ANO2: variants seen among roughly 807,000 people sequenced by gnomAD.
ANO2 encodes the protein anoctamin 2.
In ANO2, 101 loss-of-function variants were observed where a neutral mutation model predicts 124.2. The observed-to-expected ratio is 0.81, with a 90% CI of 0.69 to 0.96. The LOEUF is 0.96. ANO2 is among the 40% of genes least tolerant of loss of function. The pLI, the probability that ANO2 is intolerant of heterozygous loss-of-function variation, is 0.00. For synonymous variants in ANO2, 486 were observed against 482.5 expected (o/e 1.01, Z -0.09); for missense variants, 1,293 against 1,274.5 (o/e 1.01, Z -0.22).
At position 5,790,922 on chromosome 12, in the gene ANO2, C is replaced by T. The variant is rs74754669; in HGVS notation, c.1055+8585G>A. 1.3e-3 allele frequency among the ~76,000 whole-genome samples: 201 copies of T among 152,208 alleles called. No individual in the cohort carries two copies. The East Asian group carries it at 0.025, about 19-fold the overall frequency. The stretch of plus-strand genomic sequence containing the variant: ...ATCTGATAGGGTGGATTTTTCATGA[C>T]GTCCCCAAACAAGCAAGGAGGGCCA... On this transcript the variant is annotated intron_variant, in intron 10 of 24. Transcript: ENST00000682330.
intron 14 of ANO2, among the ~76,000 whole-genome samples, chr12:5,694,971 G>A (rs1215908373): frequency 6.6e-6 from 1 of 152,096 alleles, no homozygotes; most frequent in Non-Finnish European, 1.5e-5. Context: ...AAGATGAAGT[G>A]AGTTGGCACT....
At chr12:5,731,065 C>T (rs1051279400) in intron 14 of ANO2, among the ~76,000 whole-genome samples, 3 of 152,166 alleles carry the variant, frequency 2.0e-5, no homozygotes, top group African/African-American at 4.8e-5. Context: ...CCTTGGCATT[C>T]CCGTCTATGG....
At chr12:5,568,453 C>G (rs539948642) in intron 23 of ANO2, among the ~76,000 whole-genome samples, 2 of 152,282 alleles carry the variant, frequency 1.3e-5, no homozygotes, top group Admixed American at 1.3e-4. Context: ...TTTCATAATT[C>G]ACTAATGAAC....
intron 24 of ANO2, among the ~76,000 whole-genome samples, chr12:5,564,148 G>A (rs555977974): frequency 2.0e-5 from 3 of 152,230 alleles, no homozygotes; most frequent in East Asian, 3.9e-4. Context: ...ACCTTATACC[G>A]GTCTCAGTCA....
At chr12:5,933,614 C>A (rs984070407) in intron 1 of ANO2, among the ~76,000 whole-genome samples, 1 of 152,182 alleles carries the variant, frequency 6.6e-6, no homozygotes, top group Non-Finnish European at 1.5e-5. Context: ...TTTCACTGGT[C>A]ACACTGCTAC....
intron 13 of ANO2, among the ~76,000 whole-genome samples, chr12:5,733,364 C>T (rs1489652572): frequency 6.6e-6 from 1 of 152,220 alleles, no homozygotes; most frequent in Middle Eastern, 3.4e-3. Flanking sequence ...GTGCAGATGC[C>T]GGGGTAGGAA....
intron 19 of ANO2, among the ~76,000 whole-genome samples, chr12:5,609,563 A>T (rs1944382593): frequency 6.6e-6 from 1 of 152,132 alleles, no homozygotes; most frequent in Non-Finnish European, 1.5e-5. Context: ...TTTGAGGAAG[A>T]CCAAAAGGGA....
At chr12:5,734,725 G>A (rs1032470595) in intron 13 of ANO2, among the ~76,000 whole-genome samples, 1 of 150,994 alleles carries the variant, frequency 6.6e-6, no homozygotes, top group Admixed American at 6.6e-5. Flanking sequence ...TCGGCTCACC[G>A]AAACCTCTGC....
chr12:5,885,213 C>T (rs916642071), intron 3 of ANO2, among the ~76,000 whole-genome samples: 9 of 152,182 alleles, frequency 5.9e-5, no homozygotes, highest in African/African-American at 1.9e-4. Context: ...TGGCCCCTGA[C>T]TCATATAGAA....
Position 5,787,585 on chromosome 12 carries a change from G to C in ANO2, c.1055+11922C>G, listed in dbSNP as rs994252840. Among the ~76,000 whole-genome samples the C allele has an allele frequency of 2.6e-5, 4 of 152,264 alleles. No individual in the cohort carries two copies. In the East Asian group the frequency reaches 7.7e-4, roughly 29 times the overall value. On this transcript the variant is annotated intron_variant, in intron 10 of 24. Transcript: ENST00000682330. This position sits in a 1 kb window ranked among gnomAD's most constrained non-coding sequence, Gnocchi z 4.2. Reference sequence around the variant, plus strand: ...AGGATGATAGTATCGATCTCGACGGGGTGTTGTGAGTTAGCAAATGCCAAG... The same window carrying C: ...AGGATGATAGTATCGATCTCGACGGCGTGTTGTGAGTTAGCAAATGCCAAG...
At chr12:5,800,004 A>G (rs1952991395) in intron 9 of ANO2, among the ~76,000 whole-genome samples, 1 of 152,246 alleles carries the variant, frequency 6.6e-6, no homozygotes, top group Non-Finnish European at 1.5e-5. Flanking sequence ...AACAGATAAG[A>G]TTTTGAAATC....
In ANO2 at chr12:5,937,073, A is replaced by G. The variant is rs115963796; in HGVS notation, c.22+8123T>C. Among the ~76,000 whole-genome samples the G allele has an allele frequency of 2.6e-3, 399 of 152,174 alleles. 2 individuals are homozygous for G. The highest frequency in any genetic ancestry group is 8.5e-3 in the African/African-American group (351 of 41,482). ...AGTGATTTTACTTCTTTCAGTATAT[A>G]CCCAGAATAGGAATTTCTGGGTCAT... On this transcript the variant is annotated intron_variant, in intron 1 of 24. Transcript: ENST00000682330.
intron 4 of ANO2, among the ~76,000 whole-genome samples, chr12:5,841,722 C>T (rs1299339474): frequency 3.3e-5 from 5 of 152,184 alleles, no homozygotes; most frequent in Non-Finnish European, 5.9e-5. Flanking sequence ...TTCCCACCCA[C>T]AGACTCCTAC....
In ANO2 at chr12:5,737,193, G is replaced by A. The variant is rs569301387; in HGVS notation, c.1434+2124C>T. Among the ~76,000 whole-genome samples, 16 of 152,316 alleles carry A rather than the reference G, an allele frequency of 1.1e-4. No homozygotes were observed. The South Asian group carries it at 3.3e-3, about 32-fold the overall frequency. ...GCTGGCCTGTGCACATGTGGGGCAC[G>A]CCAGTCACGTTACAGAACCAACCAG... On this transcript the variant is annotated intron_variant, in intron 13 of 24. Transcript: ENST00000682330.
rs1046979118 is a variant in ANO2, at chr12:5,635,946, A to G, written c.1621-599T>C. Among the ~76,000 whole-genome samples the G allele has an allele frequency of 6.6e-6, 1 of 152,202 alleles. No individual in the cohort carries two copies. Among genetic ancestry groups the G allele is most frequent in the Non-Finnish European group, 1.5e-5 (1 of 68,034 alleles). On this transcript the variant is annotated intron_variant, in intron 15 of 24. Coordinates refer to ENST00000682330, the MANE Select transcript of ANO2 (RefSeq NM_001364791.2). The surrounding 1 kb of genome is among the most constrained non-coding windows in gnomAD (Gnocchi z 5.2). ...CTGAGAAGGGATGAGTTACAGCTTG[A>G]TAAGTAGAGGCAAGAAGGTTGCTCA...
At chr12:5,582,093 C>G (rs1942787343) in intron 20 of ANO2, among the ~76,000 whole-genome samples, 1 of 152,186 alleles carries the variant, frequency 6.6e-6, no homozygotes, top group African/African-American at 2.4e-5. Flanking sequence ...TTGCCAACAC[C>G]AAGATTTGTT....
chr12:5,799,850 A>G (rs1952987604), intron 9 of ANO2, among the ~76,000 whole-genome samples: 1 of 152,200 alleles, frequency 6.6e-6, no homozygotes, highest in African/African-American at 2.4e-5. Context: ...GTCCAGCAAA[A>G]TGAGCCCTAA....
intron 20 of ANO2, among the ~76,000 whole-genome samples, chr12:5,581,948 G>A (rs1289160328): frequency 6.6e-6 from 1 of 152,164 alleles, no homozygotes; most frequent in Non-Finnish European, 1.5e-5. Flanking sequence ...TGTTTTATTT[G>A]GGGGAGAATA....
At chr12:5,656,411 C>T (rs1020842075) in intron 14 of ANO2, among the ~76,000 whole-genome samples, 6 of 152,304 alleles carry the variant, frequency 3.9e-5, no homozygotes, top group South Asian at 2.1e-4. Flanking sequence ...ACCCTTTGAG[C>T]GGGCAACACC....
Sources: allele counts gnomAD v4.1 joint callset (sites outside exome capture counted in the v4.1 genomes callset), GRCh38; gene constraint gnomAD v4.1.1; non-coding constraint Gnocchi (gnomAD v3.1); transcripts MANE v1.5; gene names NCBI Gene and HGNC (gene_info 2026-07-23, HGNC 2026-07-21).